ARL13B: variants seen among roughly 807,000 people sequenced by gnomAD.
ARL13B encodes the protein ARF like GTPase 13B.
Under a neutral mutation model 56.1 loss-of-function variants are expected in ARL13B, and 36 were observed. The observed-to-expected ratio is 0.64, with a 90% confidence interval of 0.49 to 0.85. ARL13B has a LOEUF of 0.85. Ranked by LOEUF, ARL13B falls within the 40% of genes least tolerant of loss-of-function variation. ARL13B has a pLI of 0.00. For synonymous variants in ARL13B, 178 were observed against 171.1 expected (o/e 1.04, Z -0.32); for missense variants, 519 against 507.1 (o/e 1.02, Z -0.23).
intron 6 of ARL13B, among the ~76,000 whole-genome samples, chr3:94,040,946 G>A (rs1358576356): frequency 3.9e-5 from 6 of 151,986 alleles, no homozygotes; most frequent in Non-Finnish European, 8.8e-5. Flanking sequence ...GAATAATAGT[G>A]GTGTACGACA....
intron 1 of ARL13B, among the ~76,000 whole-genome samples, chr3:93,984,839 C>G (rs996084405): frequency 6.6e-6 from 1 of 151,930 alleles, no homozygotes; most frequent in Non-Finnish European, 1.5e-5. Context: ...AGACCCCATC[C>G]GTACAAAAAT....
intron 3 of ARL13B, among the ~76,000 whole-genome samples, chr3:94,011,277 C>G (rs1279974147): frequency 6.6e-6 from 1 of 152,130 alleles, no homozygotes; most frequent in Non-Finnish European, 1.5e-5. Flanking sequence ...ACATTCTGTG[C>G]TAGCACACAA....
rs561731183 is a variant in ARL13B, at chr3:93,995,726, T to C, written c.60-148T>C. Reference sequence around the variant, plus strand: ...AATTTGCTTTTGAATCTATATTTTATTCATCATTGTACTCCCTAGCATCCA... The same window carrying C: ...AATTTGCTTTTGAATCTATATTTTACTCATCATTGTACTCCCTAGCATCCA... On this transcript the variant is annotated intron_variant, in intron 1 of 9. Transcript: ENST00000394222. The C allele has an allele frequency of 1.0e-5, 7 of 671,534 alleles. No homozygotes were observed. In the East Asian group the frequency reaches 1.9e-4, roughly 19 times the overall value. The allele number at this position is 671,534 out of a possible 1,614,324, so 41.6% of individuals were successfully genotyped here.
Position 94,003,890 on chromosome 3 carries a change from C to T in ARL13B, c.362C>T (p.Ser121Leu), listed in dbSNP as rs887056386. Reference protein sequence around the residue: ...MSEMLRHPRISGKPILVLANK... With the variant: ...MSEMLRHPRILGKPILVLANK... ...GAAATGCTAAGACATCCTAGGATAT[C>T]GGGAAAGCCTATATTGGTGTAAGTA... Residue 121 changes from serine (S) to leucine (L), a missense_variant, in exon 3 of 10, where the codon TCG becomes TTG. Ser to Leu is a moderately radical substitution (Grantham distance 145). Coordinates refer to ENST00000394222, the MANE Select transcript of ARL13B (RefSeq NM_001174150.2). The T allele has an allele frequency of 3.1e-6, 5 of 1,613,040 alleles. No individual in the cohort carries two copies. Among genetic ancestry groups the T allele is most frequent in the East Asian group, 2.2e-5 (1 of 44,802 alleles).
chr3:94,031,376 C>G (rs1020076021), intron 3 of ARL13B, among the ~76,000 whole-genome samples: 14 of 151,774 alleles, frequency 9.2e-5, no homozygotes, highest in African/African-American at 3.4e-4. Flanking sequence ...TTATCTATAA[C>G]TCCTAGGTTT....
At chr3:94,027,816 G>A (rs1283074427) in intron 3 of ARL13B, among the ~76,000 whole-genome samples, 1 of 152,062 alleles carries the variant, frequency 6.6e-6, no homozygotes, top group Non-Finnish European at 1.5e-5. Context: ...ATAAAGGTTA[G>A]TGAGTACTTC....
At chr3:94,002,807 T>A (rs973406925) in intron 2 of ARL13B, among the ~76,000 whole-genome samples, 4 of 152,214 alleles carry the variant, frequency 2.6e-5, no homozygotes, top group Admixed American at 2.6e-4. Flanking sequence ...TTCAGAACCC[T>A]CTTCTATTTG....
At chr3:94,029,301 CATATATAT>C (rs1242349606) in intron 3 of ARL13B, among the ~76,000 whole-genome samples, 918 of 77,128 alleles carry the variant, frequency 0.012, 23 homozygotes, top group African/African-American at 0.041. Flanking sequence ...CTATCAAAAT[CATATATAT>C]ATATATATAT....
Position 94,035,272 on chromosome 3 carries a change from C to CT in ARL13B, c.381-56dup, listed in dbSNP as rs1263376032. On this transcript the variant is annotated intron_variant, in intron 3 of 9. Transcript: ENST00000394222. ...AAAAAAAAGAATGTGGTCAAAATATCTTTAAGTTTCCATCCAATTATATAT... is the reference window on the plus strand; with the variant it reads ...AAAAAAAAGAATGTGGTCAAAATATCTTTTAAGTTTCCATCCAATTATATAT... 22 of 953,876 alleles carry CT rather than the reference C, an allele frequency of 2.3e-5. No individual in the cohort carries two copies. In the African/African-American group the frequency reaches 2.4e-4, roughly 10 times the overall value. The allele number at this position is 953,876 out of a possible 1,614,324, so 59.1% of individuals were successfully genotyped here.
At chr3:93,981,483 A>G (rs1710213053) in intron 1 of ARL13B, among the ~76,000 whole-genome samples, 1 of 152,220 alleles carries the variant, frequency 6.6e-6, no homozygotes. Flanking sequence ...ATACATGTCT[A>G]GATTGGAAAA....
intron 9 of ARL13B, among the ~76,000 whole-genome samples, chr3:94,052,363 A>G (rs2107204638): frequency 6.6e-6 from 1 of 152,274 alleles, no homozygotes; most frequent in African/African-American, 2.4e-5. Context: ...ATATATGACA[A>G]TGAGTTCTAT....
At chr3:94,051,937 A>C (rs1317054188) in intron 9 of ARL13B, among the ~76,000 whole-genome samples, 2 of 151,506 alleles carry the variant, frequency 1.3e-5, no homozygotes, top group African/African-American at 4.8e-5. Context: ...TTTTTTAAAG[A>C]CAGAAAAGTT....
rs1026050039 is a variant in ARL13B, at chr3:94,054,075, A to G, written c.*812A>G. ...TCTGTGAGATACTATTAAAAGTCTC[A>G]GTAAAGTCCTATTTTAAAGGTTAGA... On this transcript the variant is annotated 3_prime_UTR_variant, in exon 10 of 10. Transcript: ENST00000394222. 2.2e-6 allele frequency: 1 copy of G among 448,804 alleles called. No homozygotes were observed. The highest frequency in any genetic ancestry group is 4.5e-6 in the Non-Finnish European group (1 of 224,364). 27.8% of individuals were successfully genotyped at this position (448,804 alleles called of 1,614,324 possible).
In ARL13B at chr3:94,051,088, A is replaced by G. The variant is rs62265488; in HGVS notation, c.1210+196A>G. Among the ~76,000 whole-genome samples, 27,508 of 151,774 alleles carry G rather than the reference A, an allele frequency of 0.18. 3,137 individuals carry two copies. The highest frequency in any genetic ancestry group is 0.25 in the Non-Finnish European group (16,657 of 67,856). The stretch of plus-strand genomic sequence containing the variant: ...GTATGCTTTACATCTATATCATTTA[A>G]TTTGGTGTTTACCTTAGAATACAGA... On this transcript the variant is annotated intron_variant, in intron 9 of 9. Transcript: ENST00000394222.
At chr3:94,037,294 A>C (rs1342484117) in intron 5 of ARL13B, among the ~76,000 whole-genome samples, 2 of 152,130 alleles carry the variant, frequency 1.3e-5, no homozygotes, top group East Asian at 3.9e-4. Context: ...GAATCATTCA[A>C]CTCAAGCAAA....
chr3:94,001,385 T>G (rs1187651315), intron 2 of ARL13B, among the ~76,000 whole-genome samples: 3 of 152,224 alleles, frequency 2.0e-5, no homozygotes, highest in African/African-American at 4.8e-5. Flanking sequence ...CATCATTTTA[T>G]CTGTACTTAA....
chr3:93,991,315 C>T (rs2075871571), intron 1 of ARL13B, among the ~76,000 whole-genome samples: 1 of 152,160 alleles, frequency 6.6e-6, no homozygotes, highest in South Asian at 2.1e-4. Context: ...TCATACAGCA[C>T]CACAGCCAAA....
At chr3:94,010,793 T>C (rs1175161635) in intron 3 of ARL13B, among the ~76,000 whole-genome samples, 1 of 152,088 alleles carries the variant, frequency 6.6e-6, no homozygotes, top group African/African-American at 2.4e-5. Flanking sequence ...TATAAAATGC[T>C]GAAAGAAAAT....
At chr3:94,019,952 T>A (rs1428522046) in intron 3 of ARL13B, among the ~76,000 whole-genome samples, 1 of 152,258 alleles carries the variant, frequency 6.6e-6, no homozygotes, top group Non-Finnish European at 1.5e-5. Context: ...TAGGATGTTC[T>A]TTGTCACCCT....
Sources: gnomAD v4.1 joint callset for allele counts (sites outside exome capture counted in the v4.1 genomes callset) on GRCh38, gnomAD v4.1.1 for gene constraint, MANE v1.5 for transcripts, NCBI Gene and HGNC (gene_info 2026-07-23, HGNC 2026-07-21) for gene names.